NDST4: variants seen among roughly 807,000 people sequenced by gnomAD.
NDST4 encodes the protein N-heparan sulfate sulfotransferase 4.
Under a neutral mutation model 100.8 loss-of-function variants are expected in NDST4, and 63 were observed. The ratio of observed to expected loss-of-function variants is 0.62; its 90% confidence interval spans 0.51 to 0.77. The LOEUF (loss-of-function observed/expected upper bound fraction) is 0.77, where lower values mean the gene tolerates loss of function less well. NDST4 is among the 30% of genes least tolerant of loss of function. The probability of loss-of-function intolerance (pLI) is 0.00; values close to 1 mark genes in which losing one functional copy is unlikely to be tolerated. For missense variants in NDST4, 943 were observed against 1,018.4 expected (o/e 0.93, Z 1.01); for synonymous variants, 377 against 361.8 (o/e 1.04, Z -0.48).
chr4:115,054,810 T>C (rs1469763738), intron 2 of NDST4, among the ~76,000 whole-genome samples: 1 of 152,170 alleles, frequency 6.6e-6, no homozygotes, highest in Non-Finnish European at 1.5e-5. Flanking sequence ...TGTTTCCTGA[T>C]GTGGTTCCTA....
intron 2 of NDST4, among the ~76,000 whole-genome samples, chr4:115,066,225 C>T (rs1014311201): frequency 2.0e-5 from 3 of 152,168 alleles, no homozygotes; most frequent in Admixed American, 6.5e-5. Context: ...AAAGGTATTA[C>T]TGGTATGTAT....
In NDST4 at chr4:115,019,792, T is replaced by C. The variant is rs10016571; in HGVS notation, c.979-42518A>G. 6.1e-3 allele frequency among the ~76,000 whole-genome samples: 921 copies of C among 152,102 alleles called. 15 individuals are homozygous for C. The highest frequency in any genetic ancestry group is 0.021 in the African/African-American group (889 of 41,484). On this transcript the variant is annotated intron_variant, in intron 2 of 13. Transcript: ENST00000264363. ...ATGAATAATGCTAGTATTGGGGGAATGAGTTGCAGATAAAAGGATAAAGTT... is the reference window on the plus strand; with the variant it reads ...ATGAATAATGCTAGTATTGGGGGAACGAGTTGCAGATAAAAGGATAAAGTT...
At position 114,999,040 on chromosome 4, in the gene NDST4, G is replaced by A. The variant is rs142733557; in HGVS notation, c.979-21766C>T. On this transcript the variant is annotated intron_variant, in intron 2 of 13. Transcript: ENST00000264363. The stretch of plus-strand genomic sequence containing the variant: ...GAGGTCAAGGTCTATTTTGTTTGCT[G>A]TTATATCACAAATACTGGGCACAGC... 1.4e-3 allele frequency among the ~76,000 whole-genome samples: 218 copies of A among 152,186 alleles called. 1 individual carries two copies. Among genetic ancestry groups the A allele is most frequent in the African/African-American group, 5.0e-3 (209 of 41,558 alleles).
At chr4:114,901,381 C>T (rs1724834911) in intron 6 of NDST4, among the ~76,000 whole-genome samples, 1 of 152,070 alleles carries the variant, frequency 6.6e-6, no homozygotes, top group South Asian at 2.1e-4. Flanking sequence ...TTATTTAATG[C>T]CCCTTGTAAT....
intron 6 of NDST4, among the ~76,000 whole-genome samples, chr4:114,927,880 TAA>T (rs2126221795): frequency 6.6e-6 from 1 of 152,304 alleles, no homozygotes; most frequent in African/African-American, 2.4e-5. Flanking sequence ...CTTCTACTTA[TAA>T]GTTCCTACAA....
chr4:115,007,527 G>T (rs567777543), intron 2 of NDST4, among the ~76,000 whole-genome samples: 1 of 152,032 alleles, frequency 6.6e-6, no homozygotes, highest in African/African-American at 2.4e-5. Flanking sequence ...TTTTTTATTC[G>T]GTTGTTTTTT....
chr4:114,836,548 A>G (rs1392873742), intron 11 of NDST4, among the ~76,000 whole-genome samples: 1 of 151,700 alleles, frequency 6.6e-6, no homozygotes, highest in Non-Finnish European at 1.5e-5. Context: ...TGCCCTTAAC[A>G]TTTTTTTCTT....
intron 6 of NDST4, among the ~76,000 whole-genome samples, chr4:114,885,627 A>C (rs1724461636): frequency 6.6e-6 from 1 of 152,096 alleles, no homozygotes; most frequent in Admixed American, 6.6e-5. Flanking sequence ...ATTTGACAAA[A>C]AGTTAAATGT....
chr4:114,985,646 C>T (rs564321499), intron 2 of NDST4, among the ~76,000 whole-genome samples: 1 of 152,066 alleles, frequency 6.6e-6, no homozygotes, highest in African/African-American at 2.4e-5. Context: ...TTTGATGGAA[C>T]CTACATTCTT....
intron 6 of NDST4, among the ~76,000 whole-genome samples, chr4:114,932,701 A>T (rs940152648): frequency 6.6e-6 from 1 of 152,052 alleles, no homozygotes; most frequent in African/African-American, 2.4e-5. Context: ...CTGACAAGTT[A>T]TCTGAAAAAG....
At chr4:115,090,002 T>C (rs1729483858) in intron 1 of NDST4, among the ~76,000 whole-genome samples, 1 of 151,866 alleles carries the variant, frequency 6.6e-6, no homozygotes, top group Non-Finnish European at 1.5e-5. Flanking sequence ...AAATTTGATC[T>C]ACCATCTTCA....
At chr4:114,940,648 G>A (rs990834060) in intron 4 of NDST4, among the ~76,000 whole-genome samples, 18 of 152,148 alleles carry the variant, frequency 1.2e-4, no homozygotes, top group African/African-American at 3.6e-4. Flanking sequence ...TTAACAGCTC[G>A]GTGGAAGGTC....
chr4:114,934,171 T>C (rs1725574656), intron 6 of NDST4, among the ~76,000 whole-genome samples: 1 of 152,170 alleles, frequency 6.6e-6, no homozygotes, highest in African/African-American at 2.4e-5. Context: ...TTATTCATCC[T>C]TAAAAAAGAA....
At chr4:114,867,086 A>G (rs944365733) in intron 7 of NDST4, among the ~76,000 whole-genome samples, 4 of 152,190 alleles carry the variant, frequency 2.6e-5, no homozygotes, top group Non-Finnish European at 5.9e-5. Flanking sequence ...GACTTAGAAC[A>G]AGGCATTTCA....
chr4:115,014,227 A>G (rs1352769628), intron 2 of NDST4, among the ~76,000 whole-genome samples: 1 of 151,916 alleles, frequency 6.6e-6, no homozygotes, highest in East Asian at 1.9e-4. Context: ...GGCTATATCA[A>G]CTCTCCAGCC....
intron 6 of NDST4, among the ~76,000 whole-genome samples, chr4:114,875,427 G>C (rs1724235802): frequency 6.6e-6 from 1 of 152,046 alleles, no homozygotes; most frequent in Non-Finnish European, 1.5e-5. Flanking sequence ...TCAAAATATG[G>C]GAAGACATTA....
In NDST4 at chr4:115,077,164, T is replaced by C. The variant is rs1441637137; in HGVS notation, c.-128A>G. 1.1e-6 allele frequency: 1 copy of C among 901,294 alleles called. No homozygotes were observed. Among genetic ancestry groups the C allele is most frequent in the Admixed American group, 2.9e-5 (1 of 34,470 alleles). The allele number at this position is 901,294 out of a possible 1,614,324, so 55.8% of individuals were successfully genotyped here. On this transcript the variant is annotated 5_prime_UTR_variant, in exon 2 of 14. Transcript: ENST00000264363. ...TGTAACCATCGCAAATCATGTAAAA[T>C]GTTTGAAGGGAGCACAACTGAGTTA...
intron 2 of NDST4, among the ~76,000 whole-genome samples, chr4:115,005,662 G>A (rs1727396527): frequency 6.6e-6 from 1 of 152,106 alleles, no homozygotes; most frequent in African/African-American, 2.4e-5. Flanking sequence ...GGTATGAATG[G>A]GGCTTCTGAA....
rs151099974 is a variant in NDST4 at position 115,036,297 on chromosome 4, T to C, written c.978+39762A>G. ...GAATCTCATTTTTCTGTTCACCTCA[T>C]TATTATTATAACTAATCACTGGTTG... On this transcript the variant is annotated intron_variant, in intron 2 of 13. Transcript: ENST00000264363. Among the ~76,000 whole-genome samples, 210 of 151,476 alleles carry C rather than the reference T, an allele frequency of 1.4e-3. 2 individuals carry two copies. Among genetic ancestry groups the C allele is most frequent in the African/African-American group, 4.9e-3 (203 of 41,472 alleles).
Sources: gnomAD v4.1 joint callset for allele counts (sites outside exome capture counted in the v4.1 genomes callset) on GRCh38, gnomAD v4.1.1 for gene constraint, MANE v1.5 for transcripts, NCBI Gene and HGNC (gene_info 2026-07-23, HGNC 2026-07-21) for gene names.